The following DPP6 variants were observed in gnomAD, a reference collection of about 807,000 sequenced individuals.
DPP6 encodes A-type potassium channel modulatory protein DPP6.
In DPP6, 69 loss-of-function variants were observed where a neutral mutation model predicts 122.6. The observed-to-expected ratio is 0.56, with a 90% CI of 0.46 to 0.69. DPP6 has a LOEUF of 0.69. Among genes scored for constraint, DPP6 ranks in the 30% least tolerant of loss-of-function variants. The pLI, the probability that DPP6 is intolerant of heterozygous loss-of-function variation, is 0.00. For missense variants in DPP6, 928 were observed against 1,116.9 expected, an observed-to-expected ratio of 0.83 and a Z score of 2.41; for synonymous variants, 418 against 433.1, an observed-to-expected ratio of 0.97 and a Z score of 0.43.
intron 8 of DPP6, among the ~76,000 whole-genome samples, chr7:154,738,327 C>T (rs542109412): frequency 1.3e-5 from 2 of 152,326 alleles, no homozygotes; most frequent in East Asian, 3.9e-4. Context: ...GACTTCCTTG[C>T]TCCAAATCTT....
At chr7:154,772,592 C>T (rs1336752767) in intron 9 of DPP6, among the ~76,000 whole-genome samples, 1 of 152,178 alleles carries the variant, frequency 6.6e-6, no homozygotes, top group Non-Finnish European at 1.5e-5. Context: ...CTTGACATTG[C>T]CAAACCGGGG....
Position 154,736,940 on chromosome 7 carries a change from A to G in DPP6, c.883+9053A>G, listed in dbSNP as rs34008223. ...CTCAACAGAAAAACACCTGATTAAC[A>G]AAAAGCAACAGTAATTGTTAACCTC... is the stretch of plus-strand genomic sequence containing the variant. On this transcript the variant is annotated intron_variant, in intron 8 of 25. Transcript: ENST00000377770. Among the ~76,000 whole-genome samples, 1,493 of 152,344 alleles carry G rather than the reference A, an allele frequency of 9.8e-3. 9 individuals carry two copies. The highest frequency in any genetic ancestry group is 0.015 in the Non-Finnish European group (1,031 of 68,030).
intron 1 of DPP6, among the ~76,000 whole-genome samples, chr7:154,259,601 C>T (rs1478134720): frequency 6.6e-6 from 1 of 152,128 alleles, no homozygotes; most frequent in Non-Finnish European, 1.5e-5. Flanking sequence ...TGAGCAGAAG[C>T]TGGGCTGGCT....
rs539137362 is a variant in DPP6, at chr7:154,803,653, G to T, written c.1408-211G>T. Among the ~76,000 whole-genome samples the T allele has an allele frequency of 9.8e-5, 15 of 152,320 alleles. No individual in the cohort carries two copies. In the East Asian group the frequency reaches 2.9e-3, roughly 29 times the overall value. On this transcript the variant is annotated intron_variant, in intron 13 of 25. Coordinates refer to ENST00000377770, the MANE Select transcript of DPP6 (RefSeq NM_130797.4). ...CTGTTCCCACCACTGACATTCGGGGGTCGGGGAGGCTGCGGGCCTGGGGTT... is the reference window on the plus strand; with the variant it reads ...CTGTTCCCACCACTGACATTCGGGGTTCGGGGAGGCTGCGGGCCTGGGGTT...
intron 1 of DPP6, among the ~76,000 whole-genome samples, chr7:154,123,351 G>A (rs1807634648): frequency 6.6e-6 from 1 of 152,168 alleles, no homozygotes; most frequent in South Asian, 2.1e-4. Context: ...TTCAATTAAA[G>A]CTCAATCTGA....
chr7:153,938,517 A>G (rs1435790185), intron 1 of DPP6, among the ~76,000 whole-genome samples: 1 of 152,234 alleles, frequency 6.6e-6, no homozygotes, highest in African/African-American at 2.4e-5. Flanking sequence ...GTAGGTGACT[A>G]GATGCTAGAA....
intron 1 of DPP6, among the ~76,000 whole-genome samples, chr7:154,328,068 C>A (rs772337086): frequency 3.5e-4 from 53 of 152,274 alleles, no homozygotes; most frequent in Non-Finnish European, 5.7e-4. Flanking sequence ...GTCCTCCCCA[C>A]GTCTGTGAGC....
chr7:153,786,492 C>G, the DPP6 span, among the ~76,000 whole-genome samples: 5,454 of 114,318 alleles, frequency 0.048, no homozygotes, highest in South Asian at 0.071. Flanking sequence ...GTAATCCCAG[C>G]ACTTTGGGAG....
chr7:154,725,125 C>A (rs1842003455), intron 7 of DPP6, among the ~76,000 whole-genome samples: 1 of 152,110 alleles, frequency 6.6e-6, no homozygotes, highest in Non-Finnish European at 1.5e-5. Flanking sequence ...GAGTTCTCGC[C>A]TATTTACCAC....
At chr7:153,977,517 CT>C (rs1563068329) in intron 1 of DPP6, among the ~76,000 whole-genome samples, 2 of 152,152 alleles carry the variant, frequency 1.3e-5, no homozygotes, top group African/African-American at 2.4e-5. Context: ...GTTTATCTTT[CT>C]TTCTCCAGGC....
At chr7:154,733,169 G>A (rs955608617) in intron 8 of DPP6, among the ~76,000 whole-genome samples, 14 of 152,258 alleles carry the variant, frequency 9.2e-5, no homozygotes, top group African/African-American at 3.4e-4. Flanking sequence ...TGGGTGGCCA[G>A]CATGGAGGAA....
intron 1 of DPP6, among the ~76,000 whole-genome samples, chr7:154,009,474 A>C (rs940828407): frequency 1.0e-4 from 15 of 147,706 alleles, no homozygotes; most frequent in Non-Finnish European, 1.3e-4. Flanking sequence ...CATGTGAGCC[A>C]TCCCTGATGC....
intron 16 of DPP6, among the ~76,000 whole-genome samples, chr7:154,835,866 G>A (rs1052212835): frequency 6.6e-6 from 1 of 152,194 alleles, no homozygotes; most frequent in Admixed American, 6.5e-5. Context: ...ACAGCTGGGG[G>A]TGTCTCAGAA....
chr7:154,246,238 C>T (rs1801975838), intron 1 of DPP6, among the ~76,000 whole-genome samples: 2 of 150,986 alleles, frequency 1.3e-5, no homozygotes, highest in African/African-American at 4.9e-5. Flanking sequence ...CTGGATACAG[C>T]TAAAGTAGTG....
intron 5 of DPP6, among the ~76,000 whole-genome samples, chr7:154,574,875 TGTG>T (rs1261122614): frequency 7.6e-5 from 10 of 131,128 alleles, no homozygotes; most frequent in African/African-American, 2.1e-4. Context: ...GTTTGTGTGT[TGTG>T]TGTGTGTGGT....
At chr7:154,254,072 G>A (rs75322879) in intron 1 of DPP6, among the ~76,000 whole-genome samples, 5,684 of 152,260 alleles carry the variant, frequency 0.037, 190 homozygotes, top group East Asian at 0.13. Flanking sequence ...CTCTTCTAAC[G>A]CATAGGGATT....
At chr7:153,864,199 C>T in the DPP6 span, among the ~76,000 whole-genome samples, 14 of 152,190 alleles carry the variant, frequency 9.2e-5, no homozygotes, top group African/African-American at 2.6e-4. Context: ...ACAGTCCCAC[C>T]GGTAATGTAT....
intron 3 of DPP6, among the ~76,000 whole-genome samples, chr7:154,516,919 T>C (rs1826562492): frequency 6.6e-6 from 1 of 152,226 alleles, no homozygotes; most frequent in African/African-American, 2.4e-5. Context: ...ACACAGCAGC[T>C]GAATGCCATC....
chr7:154,239,992 TAAAAAAAA>T (rs763543397), intron 1 of DPP6, among the ~76,000 whole-genome samples: 2 of 50,422 alleles, frequency 4.0e-5, no homozygotes, highest in African/African-American at 6.0e-5. Context: ...ATGCTGTCTT[TAAAAAAAA>T]AAAAAAAAAA....
Sources: gnomAD v4.1 joint callset for allele counts (sites outside exome capture counted in the v4.1 genomes callset) on GRCh38, gnomAD v4.1.1 for gene constraint, MANE v1.5 for transcripts, NCBI Gene and HGNC (gene_info 2026-07-23, HGNC 2026-07-21) for gene names.